CHD2: variants seen among roughly 807,000 people sequenced by gnomAD.
CHD2 encodes ATP-dependent chromatin remodeler CHD2.
A neutral mutation model predicts 243.9 loss-of-function variants in CHD2; 28 were observed. The ratio of observed to expected loss-of-function variants is 0.11; its 90% confidence interval spans 0.09 to 0.16. The LOEUF (loss-of-function observed/expected upper bound fraction) is 0.16, where lower values mean the gene tolerates loss of function less well. Among genes scored for constraint, CHD2 ranks in the 10% least tolerant of loss-of-function variants. The pLI, the probability that CHD2 is intolerant of heterozygous loss-of-function variation, is 1.00. For missense variants in CHD2, 1,386 were observed against 2,209.8 expected (o/e 0.63, Z 7.47); for synonymous variants, 775 against 779.0 (o/e 0.99, Z 0.09).
At chr15:92,925,206 T>C (rs2053036234) in intron 3 of CHD2, among the ~76,000 whole-genome samples, 1 of 152,208 alleles carries the variant, frequency 6.6e-6, no homozygotes, top group African/African-American at 2.4e-5. Context: ...CACTGTGCCT[T>C]TGATAATCAT....
At chr15:92,965,233 T>A (rs966156799) in intron 16 of CHD2, 4 of 152,132 alleles carry the variant, frequency 2.6e-5, no homozygotes, top group Admixed American at 6.6e-5. Flanking sequence ...AATTAATAAT[T>A]GTTTTCAGGG....
intron 26 of CHD2, among the ~76,000 whole-genome samples, chr15:92,986,798 C>T (rs2054049320): frequency 6.6e-6 from 1 of 152,142 alleles, no homozygotes; most frequent in African/African-American, 2.4e-5. Flanking sequence ...TCACTGTAAC[C>T]TCACACTCCT....
intron 9 of CHD2, 176 bp from the exon 10 acceptor site, chr15:92,944,239 T>TG (rs2053427417): frequency 1.5e-5 from 7 of 456,858 alleles, no homozygotes; most frequent in Non-Finnish European, 2.8e-5. Context: ...AAAGTGTTTT[T>TG]TTTGTTTGTT....
rs1555439559 is a variant in CHD2 at position 92,943,071 on chromosome 15, A to G, written c.1052+3A>G. ...AAAGAGGACGAAATCAAACAATGGT[A>G]TATTTTCCATCATGGATTAAAGAAA... On this transcript the variant is annotated splice_donor_region_variant and intron_variant, in intron 9 of 38. Coordinates refer to ENST00000394196, the MANE Select transcript of CHD2 (RefSeq NM_001271.4). 1 of 1,602,272 alleles carries G rather than the reference A, an allele frequency of 6.2e-7. No homozygotes were observed. The highest frequency in any genetic ancestry group is 8.5e-7 in the Non-Finnish European group (1 of 1,169,936).
Position 93,020,140 on chromosome 15 carries a change from C to A in CHD2, c.5035C>A (p.Arg1679=), listed in dbSNP as rs797044912. ...CAAGGACCACCATTATGGGGACCGG[C>A]GACATATGGATGCCCACCGTTCCGG... ...WYKDHHYGDR[R]HMDAHRSGSY... The change falls in exon 38 of 39, where the codon CGA becomes AGA. Residue 1679 remains arginine, a synonymous_variant. Coordinates refer to ENST00000394196, the MANE Select transcript of CHD2 (RefSeq NM_001271.4). The A allele has an allele frequency of 1.9e-6, 3 of 1,613,944 alleles. No individual in the cohort carries two copies. The highest frequency in any genetic ancestry group is 2.5e-6 in the Non-Finnish European group (3 of 1,179,990).
In CHD2 at chr15:93,002,171, T is replaced by G; in HGVS notation, c.4138-6T>G. The G allele has an allele frequency of 3.8e-6, 6 of 1,580,674 alleles. No homozygotes were observed. Among genetic ancestry groups the G allele is most frequent in the Non-Finnish European group, 5.1e-6 (6 of 1,171,240 alleles). ...CAAAAATTCATAGCCCTGTTTTGTTTCCTAGGATGATGGCTTGGAAAAAAG... is the reference window on the plus strand; with the variant it reads ...CAAAAATTCATAGCCCTGTTTTGTTGCCTAGGATGATGGCTTGGAAAAAAG... On this transcript the variant is annotated splice_polypyrimidine_tract_variant and splice_region_variant and intron_variant, in intron 32 of 38. Coordinates refer to ENST00000394196, the MANE Select transcript of CHD2 (RefSeq NM_001271.4).
At position 92,901,223 on chromosome 15, in the gene CHD2, T is replaced by C; in HGVS notation, c.-15T>C. On this transcript the variant is annotated 5_prime_UTR_variant, in exon 2 of 39. Coordinates refer to ENST00000394196, the MANE Select transcript of CHD2 (RefSeq NM_001271.4). ...CACAGATTCCCCCTCCCCCTTAATA[T>C]TTAAGAATTAAAAGATGATGAGAAA... The C allele has an allele frequency of 6.5e-7, 1 of 1,533,584 alleles. No homozygotes were observed. The highest frequency in any genetic ancestry group is 9.0e-7 in the Non-Finnish European group (1 of 1,109,382). The allele number at this position is 1,533,584 out of a possible 1,614,324, so 95.0% of individuals were successfully genotyped here. A position where few individuals can be genotyped will look rare whatever the true frequency, so the allele number is the denominator to read the frequency against.
Position 93,025,601 on chromosome 15 carries a change from T to C in CHD2, c.*896T>C, listed in dbSNP as rs1371285930. The C allele has an allele frequency of 6.6e-6, 1 of 152,452 alleles. No individual in the cohort carries two copies. Among genetic ancestry groups the C allele is most frequent in the East Asian group, 1.9e-4 (1 of 5,196 alleles). The allele number at this position is 152,452 out of a possible 1,614,324, so 9.4% of individuals were successfully genotyped here. A position where few individuals can be genotyped will look rare whatever the true frequency, so the allele number is the denominator to read the frequency against. On this transcript the variant is annotated 3_prime_UTR_variant, in exon 39 of 39. Transcript: ENST00000394196. ...GTGGCCAGGGAACTGGAATCCCTGGTGGATTTCTGATTCCTGTGGTGAGAA... is the reference window on the plus strand; with the variant it reads ...GTGGCCAGGGAACTGGAATCCCTGGCGGATTTCTGATTCCTGTGGTGAGAA...
chr15:92,994,342 G>A (rs1237565753), intron 28 of CHD2, among the ~76,000 whole-genome samples: 3 of 152,120 alleles, frequency 2.0e-5, no homozygotes, highest in Non-Finnish European at 2.9e-5. Context: ...CTGTTATTAA[G>A]AAGTGAGTAT....
At chr15:92,918,523 TA>T (rs1406470137) in intron 2 of CHD2, among the ~76,000 whole-genome samples, 1 of 152,204 alleles carries the variant, frequency 6.6e-6, no homozygotes, top group Non-Finnish European at 1.5e-5. Flanking sequence ...CTGTAACTAG[TA>T]AGCCACTGGT....
chr15:92,912,755 C>T (rs1395986728), intron 2 of CHD2, among the ~76,000 whole-genome samples: 2 of 152,100 alleles, frequency 1.3e-5, no homozygotes, highest in African/African-American at 4.8e-5. Flanking sequence ...AGGCTGGTCT[C>T]AAACTCCTGA....
chr15:93,007,131 G>C (rs1596453695), intron 34 of CHD2, among the ~76,000 whole-genome samples: 2 of 152,228 alleles, frequency 1.3e-5, no homozygotes, highest in South Asian at 4.1e-4. Context: ...AGTTCCTCTT[G>C]AAAGCAGTTG....
At chr15:92,906,008 A>G (rs765383561) in intron 2 of CHD2, among the ~76,000 whole-genome samples, 15 of 152,212 alleles carry the variant, frequency 9.9e-5, no homozygotes, top group Non-Finnish European at 1.9e-4. Flanking sequence ...GCAGTTAATT[A>G]TTTTTGAAGA....
chr15:92,950,040 GA>G (rs747870824), intron 13 of CHD2, among the ~76,000 whole-genome samples: 3 of 152,196 alleles, frequency 2.0e-5, no homozygotes, highest in Admixed American at 6.5e-5. Flanking sequence ...TTGTTTACAG[GA>G]AATTAGGAGA....
chr15:92,936,829 C>T (rs1237399772), intron 5 of CHD2, among the ~76,000 whole-genome samples: 1 of 151,800 alleles, frequency 6.6e-6, no homozygotes, highest in African/African-American at 2.4e-5. Flanking sequence ...TGACTAGGGC[C>T]CAGAAATCTT....
chr15:93,004,339 A>G (rs970682201), intron 33 of CHD2, among the ~76,000 whole-genome samples: 2 of 152,152 alleles, frequency 1.3e-5, no homozygotes, highest in Non-Finnish European at 2.9e-5. Context: ...ATTTCTGTGC[A>G]TTTTATGGAT....
intron 17 of CHD2, 80 bp from the exon 18 acceptor site, chr15:92,971,685 A>G (rs2053844175): frequency 7.9e-7 from 1 of 1,264,392 alleles, no homozygotes; most frequent in Admixed American, 2.6e-5. Flanking sequence ...CAATACTACT[A>G]CTATCTCTTA....
chr15:92,956,683 A>T, intron 16 of CHD2, 34 bp downstream of exon 16: 1 of 1,560,814 alleles, frequency 6.4e-7, no homozygotes, highest in South Asian at 1.2e-5. Context: ...AAAAGATGCT[A>T]GAATGTCTGA....
chr15:92,991,735 CTT>C (rs1417716171), intron 27 of CHD2: 19 of 417,696 alleles, frequency 4.5e-5, no homozygotes, highest in African/African-American at 6.2e-5. Flanking sequence ...CATAAAAAGA[CTT>C]TCACCTTCGT....
Sources: gnomAD v4.1 joint callset for allele counts (sites outside exome capture counted in the v4.1 genomes callset) on GRCh38, gnomAD v4.1.1 for gene constraint, MANE v1.5 for transcripts, NCBI Gene and HGNC (gene_info 2026-07-23, HGNC 2026-07-21) for gene names.